Variants in NKAIN3 observed in about 807,000 individuals in gnomAD.
NKAIN3 encodes sodium/potassium transporting ATPase interacting 3, also known as sodium/potassium-transporting ATPase subunit beta-1-interacting protein 3.
Under a neutral mutation model 30.2 loss-of-function variants are expected in NKAIN3, and 25 were observed. The observed-to-expected ratio is 0.83, with a 90% CI of 0.60 to 1.16. NKAIN3 has a LOEUF of 1.16. Ranked by LOEUF, NKAIN3 falls within the 50% of genes most tolerant of loss-of-function variation. The pLI is 0.00. For synonymous variants in NKAIN3, 91 were observed against 89.6 expected (o/e 1.02, Z -0.09); for missense variants, 225 against 254.1 (o/e 0.89, Z 0.78).
chr8:62,891,493 G>A (rs772593097), intron 4 of NKAIN3, among the ~76,000 whole-genome samples: 2 of 152,150 alleles, frequency 1.3e-5, no homozygotes, highest in Non-Finnish European at 2.9e-5. Flanking sequence ...ACTTCACATT[G>A]TGATCATGTG....
chr8:62,266,224 T>G (rs909671822), intron 1 of NKAIN3, among the ~76,000 whole-genome samples: 1 of 152,146 alleles, frequency 6.6e-6, no homozygotes, highest in Non-Finnish European at 1.5e-5. Context: ...ATAAATAAGA[T>G]TCTATGTTTT....
At chr8:62,864,175 C>T (rs906348570) in intron 4 of NKAIN3, 4 of 639,344 alleles carry the variant, frequency 6.3e-6, no homozygotes, top group Admixed American at 2.9e-5. Context: ...ACTTGCTCAA[C>T]CGACCGGGAG....
At chr8:62,352,769 G>A (rs73684966) in intron 1 of NKAIN3, among the ~76,000 whole-genome samples, 5 of 152,064 alleles carry the variant, frequency 3.3e-5, no homozygotes, top group South Asian at 2.1e-4. Context: ...GTGAGCATGC[G>A]TGTCTCCCGT....
intron 1 of NKAIN3, among the ~76,000 whole-genome samples, chr8:62,283,446 C>T (rs1332414042): frequency 2.0e-5 from 3 of 152,082 alleles, no homozygotes; most frequent in Non-Finnish European, 4.4e-5. Flanking sequence ...TAAATTGGAT[C>T]CCTGGTTTGG....
chr8:62,470,217 A>T (rs1444663918), intron 1 of NKAIN3, among the ~76,000 whole-genome samples: 1 of 152,142 alleles, frequency 6.6e-6, no homozygotes, highest in Admixed American at 6.5e-5. Context: ...AAAGTAATTT[A>T]CTGTCGTCTA....
chr8:62,574,998 A>G (rs1382773198), intron 1 of NKAIN3, among the ~76,000 whole-genome samples: 2 of 152,108 alleles, frequency 1.3e-5, no homozygotes, highest in Non-Finnish European at 2.9e-5. Flanking sequence ...TATACAATGG[A>G]CCAACAGCTA....
chr8:62,785,962 G>A (rs753572895), intron 4 of NKAIN3, among the ~76,000 whole-genome samples: 2 of 152,084 alleles, frequency 1.3e-5, no homozygotes, highest in Non-Finnish European at 2.9e-5. Context: ...CAACTGGACA[G>A]CCAGGTGTTC....
chr8:62,847,662 T>C (rs1307396701), intron 4 of NKAIN3, among the ~76,000 whole-genome samples: 1 of 152,210 alleles, frequency 6.6e-6, no homozygotes, highest in Non-Finnish European at 1.5e-5. Flanking sequence ...TATGTTTTGC[T>C]GTGCAGAAGC....
At chr8:62,338,647 G>C (rs1815643099) in intron 1 of NKAIN3, among the ~76,000 whole-genome samples, 2 of 151,910 alleles carry the variant, frequency 1.3e-5, no homozygotes, top group South Asian at 4.1e-4. Flanking sequence ...GTGATCACAA[G>C]ATCCCACAAT....
intron 5 of NKAIN3, among the ~76,000 whole-genome samples, chr8:62,943,229 G>C (rs1291096061): frequency 6.6e-6 from 1 of 151,876 alleles, no homozygotes; most frequent in East Asian, 1.9e-4. Context: ...AGTGACCTAA[G>C]ACATGAATAG....
chr8:62,943,836 TACTC>T (rs1197169639), intron 5 of NKAIN3, among the ~76,000 whole-genome samples: 1 of 149,990 alleles, frequency 6.7e-6, no homozygotes, highest in Non-Finnish European at 1.5e-5. Context: ...CATGGACTAT[TACTC>T]AGCCATTAGA....
chr8:62,912,324 G>C (rs1054254983), intron 4 of NKAIN3, among the ~76,000 whole-genome samples: 1 of 152,108 alleles, frequency 6.6e-6, no homozygotes, highest in Admixed American at 6.5e-5. Context: ...GGGTGAATGT[G>C]AAGGCCTAGG....
At chr8:62,486,811 T>G (rs1806918803) in intron 1 of NKAIN3, among the ~76,000 whole-genome samples, 1 of 152,182 alleles carries the variant, frequency 6.6e-6, no homozygotes, top group South Asian at 2.1e-4. Flanking sequence ...TTCTGCATCC[T>G]TTTTCTGAGG....
chr8:62,658,453 G>T lies in NKAIN3; in HGVS notation c.273+68659G>T, dbSNP rs116480699. 3.3e-3 allele frequency among the ~76,000 whole-genome samples: 503 copies of T among 152,268 alleles called. 5 individuals carry two copies. Among genetic ancestry groups the T allele is most frequent in the African/African-American group, 0.011 (477 of 41,562 alleles). On this transcript the variant is annotated intron_variant, in intron 3 of 6. Transcript: ENST00000623646. ...TATCATCGGGGAACTGAGGCAGTGG[G>T]TGTTCGTAGTTCTGATTTATCACTG... is the stretch of plus-strand genomic sequence containing the variant.
chr8:62,712,042 C>T lies in NKAIN3; in HGVS notation c.274-34890C>T, dbSNP rs192298209. ...CTAGCTACCCAGTAAGTCTACCCAG[C>T]TCTGGGCTGGTACTGGGGGTTGTCT... On this transcript the variant is annotated intron_variant, in intron 3 of 6. Coordinates refer to ENST00000623646, the MANE Select transcript of NKAIN3 (RefSeq NM_001304533.3). Among the ~76,000 whole-genome samples, 73 of 152,268 alleles carry T rather than the reference C, an allele frequency of 4.8e-4. No homozygotes were observed. In the East Asian group the frequency reaches 0.013, roughly 26 times the overall value.
chr8:62,907,771 A>G (rs971762825), intron 4 of NKAIN3, among the ~76,000 whole-genome samples: 2 of 152,236 alleles, frequency 1.3e-5, no homozygotes, highest in Admixed American at 1.3e-4. Flanking sequence ...TAGATTTCAG[A>G]GGATGTATGG....
intron 4 of NKAIN3, among the ~76,000 whole-genome samples, chr8:62,849,977 C>T (rs1043557261): frequency 5.9e-5 from 9 of 151,754 alleles, no homozygotes; most frequent in Non-Finnish European, 7.4e-5. Context: ...CCCAGTAATG[C>T]GATAGCTGGG....
intron 3 of NKAIN3, among the ~76,000 whole-genome samples, chr8:62,603,211 A>T (rs552348211): frequency 6.6e-6 from 1 of 152,162 alleles, no homozygotes; most frequent in African/African-American, 2.4e-5. Flanking sequence ...TGACATGTCA[A>T]TTAAGAGTAC....
At chr8:62,464,165 G>C (rs552016422) in intron 1 of NKAIN3, among the ~76,000 whole-genome samples, 7 of 152,126 alleles carry the variant, frequency 4.6e-5, no homozygotes, top group Non-Finnish European at 8.8e-5. Context: ...GAGTATGTGG[G>C]AATTCTCCAT....
Sources: allele counts gnomAD v4.1 joint callset (sites outside exome capture counted in the v4.1 genomes callset), GRCh38; gene constraint gnomAD v4.1.1; transcripts MANE v1.5; gene names NCBI Gene and HGNC (gene_info 2026-07-23, HGNC 2026-07-21).